The following BST1 variants were observed in gnomAD, a reference collection of about 807,000 sequenced individuals.
BST1 encodes ADP-ribosyl cyclase/cyclic ADP-ribose hydrolase 2.
Under a neutral mutation model 40.6 loss-of-function variants are expected in BST1, and 49 were observed. The ratio of observed to expected loss-of-function variants is 1.21; its 90% CI spans 0.96 to 1.53. The LOEUF is 1.53. BST1 is among the 40% of genes most tolerant of loss of function. The pLI is 0.00. For missense variants in BST1, 423 were observed against 395.9 expected, an observed-to-expected ratio of 1.07 and a Z score of -0.58; for synonymous variants, 157 against 159.3, an observed-to-expected ratio of 0.99 and a Z score of 0.11.
At chr4:15,767,590 A>G in the BST1 span, among the ~76,000 whole-genome samples, 1 of 147,270 alleles carries the variant, frequency 6.8e-6, no homozygotes, top group African/African-American at 2.5e-5. Flanking sequence ...AGCGTGAGCC[A>G]CCGTGCCCGG....
chr4:15,703,249 C>CG lies in BST1; in HGVS notation c.109dup (p.Glu37GlyfsTer39). 1 of 1,542,052 alleles carries CG rather than the reference C, an allele frequency of 6.5e-7. No homozygotes were observed. The highest frequency in any genetic ancestry group is 8.7e-7 in the Non-Finnish European group (1 of 1,146,804). ...CGGGCGGGGCGCGCGCGCGGTGGCG[C>CG]GGGGAGGGCACCAGCGCACACTTGC... On this transcript the variant is annotated frameshift_variant, in exon 1 of 9. Coordinates refer to ENST00000265016, the MANE Select transcript of BST1 (RefSeq NM_004334.3). LOFTEE classifies it high-confidence loss of function.
chr4:15,712,308 A>C (rs1720259894), intron 4 of BST1, among the ~76,000 whole-genome samples: 1 of 152,166 alleles, frequency 6.6e-6, no homozygotes. Flanking sequence ...TGGGAGAGGA[A>C]CTGATAGGAG....
intron 7 of BST1, among the ~76,000 whole-genome samples, chr4:15,721,702 T>C (rs1720818881): frequency 6.6e-6 from 1 of 151,922 alleles, no homozygotes; most frequent in Non-Finnish European, 1.5e-5. Context: ...ACATACCTAA[T>C]GTAAATGACG....
downstream of BST1, among the ~76,000 whole-genome samples, chr4:15,741,493 A>G (rs533451130): frequency 3.3e-5 from 5 of 152,172 alleles, no homozygotes; most frequent in Admixed American, 2.0e-4. Flanking sequence ...GGAATCTCCA[A>G]ACCTCCAAGG....
chr4:15,704,119 T>TAGGTGAGGGATGTGTGTGTGGTCTAG (rs1349805972), intron 1 of BST1, among the ~76,000 whole-genome samples: 7 of 119,232 alleles, frequency 5.9e-5, no homozygotes, highest in East Asian at 5.4e-4. Flanking sequence ...GTGTGGTCTA[T>TAGGTGAGGGATGTGTGTGTGGTCTAG]AGGTGAGGGA....
the BST1 span, among the ~76,000 whole-genome samples, chr4:15,755,007 A>G: frequency 1.3e-5 from 2 of 152,244 alleles, 1 homozygote; most frequent in South Asian, 4.1e-4. Flanking sequence ...ATTCTGTATC[A>G]ATACATACAG....
chr4:15,769,325 G>C, the BST1 span, among the ~76,000 whole-genome samples: 1 of 152,214 alleles, frequency 6.6e-6, no homozygotes, highest in Non-Finnish European at 1.5e-5. Context: ...GCATGGTTCT[G>C]GTGCTAGGGA....
chr4:15,754,580 T>C, the BST1 span, among the ~76,000 whole-genome samples: 4 of 152,336 alleles, frequency 2.6e-5, no homozygotes, highest in Admixed American at 6.5e-5. Context: ...CAACGTCAGA[T>C]GTAGCTGCAC....
intron 1 of BST1, 116 bp from the exon 2 acceptor site, chr4:15,705,399 A>T: frequency 5.0e-6 from 6 of 1,201,588 alleles, no homozygotes; most frequent in Non-Finnish European, 7.0e-6. Flanking sequence ...TTGTAAGCCT[A>T]CTTCTGCAGT....
the BST1 span, among the ~76,000 whole-genome samples, chr4:15,755,045 G>C: frequency 6.6e-6 from 1 of 152,192 alleles, no homozygotes; most frequent in Non-Finnish European, 1.5e-5. Context: ...TTTTACAGCT[G>C]CATAATATTC....
Position 15,715,808 on chromosome 4 carries a change from T to C in BST1, c.704+9T>C. ...ATTGGGGGACCCAATGTGTAAGTTA[T>C]GGTGATATTGATGATGATAATTGCA... On this transcript the variant is annotated intron_variant, in intron 6 of 8. Coordinates refer to ENST00000265016, the MANE Select transcript of BST1 (RefSeq NM_004334.3). 6.5e-7 allele frequency: 1 copy of C among 1,537,880 alleles called. No homozygotes were observed. The highest frequency in any genetic ancestry group is 8.8e-7 in the Non-Finnish European group (1 of 1,136,318).
chr4:15,734,354 A>C (rs754320853), downstream of BST1, among the ~76,000 whole-genome samples: 1 of 152,244 alleles, frequency 6.6e-6, no homozygotes, highest in Non-Finnish European at 1.5e-5. Flanking sequence ...TATGTAAACC[A>C]AAAAGAAATG....
At chr4:15,705,673 G>T in intron 2 of BST1, 32 bp downstream of exon 2, 1 of 1,611,406 alleles carries the variant, frequency 6.2e-7, no homozygotes, top group Non-Finnish European at 8.5e-7. Context: ...GTAAAACTGT[G>T]TTCTCTGTCT....
chr4:15,730,661 A>C (rs1037304859), intron 8 of BST1, among the ~76,000 whole-genome samples: 1 of 152,194 alleles, frequency 6.6e-6, no homozygotes, highest in Admixed American at 6.5e-5. Context: ...TTGTCTAGAG[A>C]AGCTTTTTGC....
chr4:15,755,165 G>T, the BST1 span, among the ~76,000 whole-genome samples: 2 of 151,900 alleles, frequency 1.3e-5, no homozygotes, highest in African/African-American at 2.4e-5. Context: ...TTGAGATGGA[G>T]TCTCACTCTG....
At chr4:15,707,424 T>A (rs930815607) in intron 2 of BST1, 87 bp from the exon 3 acceptor site, 5 of 1,524,684 alleles carry the variant, frequency 3.3e-6, no homozygotes, top group Non-Finnish European at 4.5e-6. Flanking sequence ...GAGAACTGGA[T>A]TGCCCAACTT....
chr4:15,731,561 G>A (rs1194760243), intron 8 of BST1, 179 bp from the exon 9 acceptor site: 9 of 1,029,468 alleles, frequency 8.7e-6, no homozygotes, highest in African/African-American at 4.8e-5. Context: ...GGGTGCTTGC[G>A]CTGGTTTCGG....
chr4:15,759,673 A>G, the BST1 span, among the ~76,000 whole-genome samples: 61 of 150,884 alleles, frequency 4.0e-4, no homozygotes, highest in South Asian at 1.0e-3. Flanking sequence ...TATTCTGCCA[A>G]TGGAAACCAT....
exon 7 of BST1, chr4:15,738,163 C>T (rs576638769): frequency 5.0e-6 from 1 of 201,330 alleles, no homozygotes; most frequent in Non-Finnish European, 1.0e-5. Flanking sequence ...GACAAATGCA[C>T]CACTCCACCA....
Sources: allele counts gnomAD v4.1 joint callset (sites outside exome capture counted in the v4.1 genomes callset), GRCh38; gene constraint gnomAD v4.1.1; transcripts MANE v1.5; gene names NCBI Gene and HGNC (gene_info 2026-07-23, HGNC 2026-07-21).